SSX2IP: variants seen among roughly 807,000 people sequenced by gnomAD.
SSX2IP encodes the protein SSX family member 2 interacting protein.
Under a neutral mutation model 84.9 loss-of-function variants are expected in SSX2IP, and 55 were observed. The ratio of observed to expected loss-of-function variants is 0.65; its 90% CI spans 0.52 to 0.81. The LOEUF (loss-of-function observed/expected upper bound fraction) is 0.81, where lower values mean the gene tolerates loss of function less well. Ranked by LOEUF, SSX2IP falls within the 30% of genes least tolerant of loss-of-function variation. The pLI, the probability that SSX2IP is intolerant of heterozygous loss-of-function variation, is 0.00. For synonymous variants in SSX2IP, 239 were observed against 234.7 expected (o/e 1.02, Z -0.17); for missense variants, 664 against 705.2 (o/e 0.94, Z 0.66).
chr1:84,666,771 C>T (rs151056794), intron 4 of SSX2IP, among the ~76,000 whole-genome samples: 1 of 152,150 alleles, frequency 6.6e-6, no homozygotes. Flanking sequence ...TCTGAAGGTA[C>T]TTCCCAGAGC....
At chr1:84,670,495 T>C (rs1430926180) in intron 3 of SSX2IP, 151 bp downstream of exon 3, 3 of 509,140 alleles carry the variant, frequency 5.9e-6, no homozygotes, top group Non-Finnish European at 9.9e-6. Flanking sequence ...TATCTCTAGA[T>C]GAGATAATCA....
chr1:84,668,927 A>C (rs148005325), intron 4 of SSX2IP, among the ~76,000 whole-genome samples: 115 of 152,216 alleles, frequency 7.6e-4, no homozygotes, highest in African/African-American at 2.6e-3. Flanking sequence ...CCCAATATAG[A>C]ATTGTATATT....
chr1:84,665,566 A>G (rs1203519466), intron 5 of SSX2IP, among the ~76,000 whole-genome samples: 2 of 152,206 alleles, frequency 1.3e-5, no homozygotes, highest in African/African-American at 4.8e-5. Flanking sequence ...GAAATGCATT[A>G]GTGCTATAGG....
rs1021037050 is a variant in SSX2IP at position 84,645,840 on chromosome 1, A to C, written c.*1593T>G. 2.6e-5 allele frequency: 4 copies of C among 152,326 alleles called. No individual in the cohort carries two copies. The highest frequency in any genetic ancestry group is 2.1e-4 in the South Asian group (1 of 4,832). The allele number at this position is 152,326 out of a possible 1,614,324, so 9.4% of individuals were successfully genotyped here. A position where few individuals can be genotyped will look rare whatever the true frequency, so the allele number is the denominator to read the frequency against. On this transcript the variant is annotated 3_prime_UTR_variant, in exon 14 of 14. Coordinates refer to ENST00000342203, the MANE Select transcript of SSX2IP (RefSeq NM_001166293.2). ...ATAGTAAAGAAGTGACCATGCATCA[A>C]GCTGAAGGTAGTGACTAATGCTCAA... is the stretch of plus-strand genomic sequence containing the variant.
intron 1 of SSX2IP, among the ~76,000 whole-genome samples, chr1:84,689,117 G>A (rs1656221585): frequency 6.6e-6 from 1 of 152,174 alleles, no homozygotes; most frequent in African/African-American, 2.4e-5. Context: ...GAGATCTGAT[G>A]GATCAAGTTT....
chr1:84,667,476 A>G (rs1180707916), intron 4 of SSX2IP, among the ~76,000 whole-genome samples: 1 of 152,106 alleles, frequency 6.6e-6, no homozygotes, highest in Non-Finnish European at 1.5e-5. Context: ...GGGCTTTCTG[A>G]GCCCCCTAAC....
At chr1:84,672,631 A>G (rs1341854102) in intron 1 of SSX2IP, among the ~76,000 whole-genome samples, 5 of 152,208 alleles carry the variant, frequency 3.3e-5, no homozygotes, top group Admixed American at 1.3e-4. Flanking sequence ...TAAGCCAAAT[A>G]AAATGTGTCT....
chr1:84,650,847 G>A (rs1650131386), intron 12 of SSX2IP, among the ~76,000 whole-genome samples: 1 of 152,006 alleles, frequency 6.6e-6, no homozygotes, highest in South Asian at 2.1e-4. Context: ...TGGGACTACA[G>A]GGGCCCGCCA....
intron 12 of SSX2IP, among the ~76,000 whole-genome samples, chr1:84,651,493 T>A (rs189179721): frequency 6.6e-6 from 1 of 152,234 alleles, no homozygotes; most frequent in East Asian, 1.9e-4. Flanking sequence ...TTTGGGAGGC[T>A]GAGATGGGTG....
chr1:84,686,953 T>A (rs1465421116), intron 1 of SSX2IP, among the ~76,000 whole-genome samples: 5 of 152,142 alleles, frequency 3.3e-5, no homozygotes, highest in Non-Finnish European at 5.9e-5. Context: ...ATGTAGAGGC[T>A]TTATTAGACG....
At chr1:84,678,764 A>G (rs1654702041) in intron 1 of SSX2IP, among the ~76,000 whole-genome samples, 1 of 152,176 alleles carries the variant, frequency 6.6e-6, no homozygotes, top group Admixed American at 6.5e-5. Flanking sequence ...TACAAACTGA[A>G]AGAGAGCTCT....
At chr1:84,666,261 AAATT>A in intron 4 of SSX2IP, 29 bp from the exon 5 acceptor site, 1 of 1,530,930 alleles carries the variant, frequency 6.5e-7, no homozygotes, top group Non-Finnish European at 9.0e-7. Context: ...ATTTTGCTTA[AAATT>A]AATAAAGGAT....
rs372443581 is a variant in SSX2IP at position 84,662,840 on chromosome 1, G to A, written c.674-310C>T. ...ACACAGTAGAGTGAACACAGTATCTGGCGCACAGTAAGTACTTAATAAATG... is the reference window on the plus strand; with the variant it reads ...ACACAGTAGAGTGAACACAGTATCTAGCGCACAGTAAGTACTTAATAAATG... On this transcript the variant is annotated intron_variant, in intron 6 of 13. Transcript: ENST00000342203. Among the ~76,000 whole-genome samples, 3 of 152,228 alleles carry A rather than the reference G, an allele frequency of 2.0e-5. No individual in the cohort carries two copies. In the East Asian group the frequency reaches 5.8e-4, roughly 29 times the overall value.
chr1:84,654,347 A>G (rs181323181), intron 11 of SSX2IP, among the ~76,000 whole-genome samples: 1 of 152,318 alleles, frequency 6.6e-6, no homozygotes, highest in East Asian at 1.9e-4. Flanking sequence ...CAGTAAAACT[A>G]AACACTAGGA....
At chr1:84,687,517 C>T (rs532773261) in intron 1 of SSX2IP, among the ~76,000 whole-genome samples, 1 of 152,228 alleles carries the variant, frequency 6.6e-6, no homozygotes, top group South Asian at 2.1e-4. Context: ...ATTTGTATCC[C>T]TATTCTTCCA....
At chr1:84,663,258 C>A (rs1193029358) in intron 6 of SSX2IP, among the ~76,000 whole-genome samples, 1 of 152,156 alleles carries the variant, frequency 6.6e-6, no homozygotes, top group Non-Finnish European at 1.5e-5. Flanking sequence ...CATTATGAAA[C>A]TGTCACTTCC....
In SSX2IP at chr1:84,670,801, A is replaced by G. The variant is rs563773963; in HGVS notation, c.58T>C (p.Ser20Pro). 2.6e-5 allele frequency: 41 copies of G among 1,606,256 alleles called. No individual in the cohort carries two copies. The African/African-American group carries it at 5.5e-4, about 21-fold the overall frequency. The change falls in exon 3 of 14, where the codon TCT becomes CCT. Residue 20 changes from serine to proline, a missense_variant. Coordinates refer to ENST00000342203, the MANE Select transcript of SSX2IP (RefSeq NM_001166293.2). ...PGLSSESKTISQYTSETKMSP... is the reference protein window; with the variant it reads ...PGLSSESKTIPQYTSETKMSP... ...ATCTTTGTTTCTGAGGTATATTGAG[A>G]GATAGTTTTGCTTTCTGAAAGAATA...
In SSX2IP at chr1:84,647,330, C is replaced by T; in HGVS notation, c.*103G>A. On this transcript the variant is annotated 3_prime_UTR_variant, in exon 14 of 14. Transcript: ENST00000342203. ...GGAAGTCCAAACAAACAACTCAGAC[C>T]ATCTTAAGTTATTAGAGATAACTGA... The T allele has an allele frequency of 9.9e-7, 1 of 1,008,310 alleles. No individual in the cohort carries two copies. Among genetic ancestry groups the T allele is most frequent in the South Asian group, 2.2e-5 (1 of 44,832 alleles). The allele number at this position is 1,008,310 out of a possible 1,614,324, so 62.5% of individuals were successfully genotyped here. A position where few individuals can be genotyped will look rare whatever the true frequency, so the allele number is the denominator to read the frequency against.
chr1:84,671,329 A>G, intron 1 of SSX2IP, 21 bp from the exon 2 acceptor site: 1 of 1,487,504 alleles, frequency 6.7e-7, no homozygotes, highest in Non-Finnish European at 8.9e-7. Context: ...AGATTATAGA[A>G]TAATAGCATC....
Sources: allele counts gnomAD v4.1 joint callset (sites outside exome capture counted in the v4.1 genomes callset), GRCh38; gene constraint gnomAD v4.1.1; transcripts MANE v1.5; gene names NCBI Gene and HGNC (gene_info 2026-07-23, HGNC 2026-07-21).